SLC24A2: variants seen among roughly 807,000 people sequenced by gnomAD.
SLC24A2 encodes the protein sodium/potassium/calcium exchanger 2.
Under a neutral mutation model 62.0 loss-of-function variants are expected in SLC24A2, and 36 were observed. The ratio of observed to expected loss-of-function variants is 0.58; its 90% confidence interval spans 0.44 to 0.77. The LOEUF is 0.77. Among genes scored for constraint, SLC24A2 ranks in the 30% least tolerant of loss-of-function variants. The pLI, the probability that SLC24A2 is intolerant of heterozygous loss-of-function variation, is 0.00. For synonymous variants in SLC24A2, 358 were observed against 294.0 expected, an observed-to-expected ratio of 1.22 and a Z score of -2.23; for missense variants, 846 against 817.9, an observed-to-expected ratio of 1.03 and a Z score of -0.42.
At chr9:20,288,034 G>GA in the SLC24A2 span, among the ~76,000 whole-genome samples, 8 of 45,130 alleles carry the variant, frequency 1.8e-4, no homozygotes, top group African/African-American at 1.5e-3. Flanking sequence ...GGAGGAGTTA[G>GA]GAAAAAAACA....
the SLC24A2 span, among the ~76,000 whole-genome samples, chr9:19,874,496 G>C: frequency 6.6e-6 from 1 of 152,166 alleles, no homozygotes; most frequent in Non-Finnish European, 1.5e-5. Context: ...AAGATAAGGA[G>C]GTTGCTGTTG....
intron 2 of SLC24A2, among the ~76,000 whole-genome samples, chr9:19,626,663 C>T (rs1363042221): frequency 2.0e-5 from 3 of 151,998 alleles, no homozygotes; most frequent in Non-Finnish European, 1.5e-5. Flanking sequence ...AATATTAATC[C>T]AATATTCCAA....
the SLC24A2 span, among the ~76,000 whole-genome samples, chr9:20,233,553 G>C: frequency 6.6e-6 from 1 of 152,098 alleles, no homozygotes; most frequent in Non-Finnish European, 1.5e-5. Flanking sequence ...TGCAACCCCT[G>C]CCTTTTTTTG....
the SLC24A2 span, among the ~76,000 whole-genome samples, chr9:20,109,884 T>G: frequency 6.6e-6 from 1 of 152,158 alleles, no homozygotes; most frequent in Non-Finnish European, 1.5e-5. Flanking sequence ...GGGATGCCAC[T>G]TTTTCAACTT....
intron 2 of SLC24A2, among the ~76,000 whole-genome samples, chr9:19,772,485 C>T (rs1017487698): frequency 6.6e-6 from 1 of 152,090 alleles, no homozygotes; most frequent in Admixed American, 6.6e-5. Flanking sequence ...TGATAAGGGG[C>T]TTGTAACCAG....
At chr9:20,235,381 G>A in the SLC24A2 span, among the ~76,000 whole-genome samples, 3,854 of 152,320 alleles carry the variant, frequency 0.025, 84 homozygotes, top group African/African-American at 0.04. Context: ...CACCCAGTTC[G>A]AACTTCCCGC....
At chr9:20,220,792 T>A in the SLC24A2 span, among the ~76,000 whole-genome samples, 37 of 152,242 alleles carry the variant, frequency 2.4e-4, no homozygotes, top group South Asian at 6.9e-3. Context: ...CAGTTCTTCT[T>A]TGAGATATAT....
the SLC24A2 span, among the ~76,000 whole-genome samples, chr9:20,219,286 C>T: frequency 1.3e-5 from 2 of 152,126 alleles, no homozygotes; most frequent in African/African-American, 4.8e-5. Context: ...CAGTATAACA[C>T]AGGCTTCCAT....
the SLC24A2 span, among the ~76,000 whole-genome samples, chr9:19,906,275 C>A: frequency 6.6e-6 from 1 of 151,624 alleles, no homozygotes; most frequent in Non-Finnish European, 1.5e-5. Context: ...TTCTTTGAAA[C>A]CAACGAGAAC....
chr9:19,531,200 T>C (rs1024168637), intron 8 of SLC24A2, among the ~76,000 whole-genome samples: 2 of 152,220 alleles, frequency 1.3e-5, no homozygotes, highest in Non-Finnish European at 2.9e-5. Flanking sequence ...TGAACTACTT[T>C]ACCATTTCCA....
chr9:19,854,086 T>C, the SLC24A2 span, among the ~76,000 whole-genome samples: 11 of 152,332 alleles, frequency 7.2e-5, no homozygotes, highest in East Asian at 5.8e-4. Flanking sequence ...TTTATGTGCA[T>C]AGAGGTGTTT....
intron 2 of SLC24A2, among the ~76,000 whole-genome samples, chr9:19,697,050 G>A (rs1315781171): frequency 6.6e-6 from 1 of 151,972 alleles, no homozygotes; most frequent in Non-Finnish European, 1.5e-5. Context: ...GCTAAAAAGT[G>A]TAACTGATTA....
chr9:19,567,295 C>A (rs1240998538), intron 7 of SLC24A2, among the ~76,000 whole-genome samples: 78 of 151,456 alleles, frequency 5.2e-4, no homozygotes, highest in Admixed American at 5.0e-3. Flanking sequence ...ACCTGTAATC[C>A]CAGCACTTTG....
chr9:19,995,084 T>A, the SLC24A2 span, among the ~76,000 whole-genome samples: 2 of 151,208 alleles, frequency 1.3e-5, no homozygotes, highest in African/African-American at 4.9e-5. Flanking sequence ...CAGGCCTTTT[T>A]TTTTTTTCTC....
intron 2 of SLC24A2, among the ~76,000 whole-genome samples, chr9:19,652,923 CCTTCTCTTCCATCCTGTTTCAACCTT>C (rs1399553107): frequency 1.3e-4 from 2 of 15,404 alleles, no homozygotes; most frequent in East Asian, 2.4e-3. Flanking sequence ...ATGAGACAAA[CCTTCTCTTCCATCCTGTTTCAACCTT>C]CTCTTCCATC....
the SLC24A2 span, among the ~76,000 whole-genome samples, chr9:20,201,358 G>T: frequency 6.6e-6 from 1 of 152,182 alleles, no homozygotes; most frequent in Non-Finnish European, 1.5e-5. Flanking sequence ...CTCATCTCAC[G>T]GTGCCAGATT....
At chr9:20,095,999 A>C in the SLC24A2 span, among the ~76,000 whole-genome samples, 1 of 152,112 alleles carries the variant, frequency 6.6e-6, no homozygotes. Context: ...TCCCTTCCAC[A>C]ACATGTGGAA....
chr9:19,739,149 C>G (rs1821599052), intron 2 of SLC24A2, among the ~76,000 whole-genome samples: 1 of 152,096 alleles, frequency 6.6e-6, no homozygotes, highest in South Asian at 2.1e-4. Context: ...AGGAATAAAT[C>G]TAATCAAAAA....
chr9:19,916,416 G>C, the SLC24A2 span, among the ~76,000 whole-genome samples: 1 of 151,996 alleles, frequency 6.6e-6, no homozygotes, highest in Admixed American at 6.6e-5. Flanking sequence ...TTTTTTTAAA[G>C]TACTATGTGC....
Sources: gnomAD v4.1 joint callset for allele counts (sites outside exome capture counted in the v4.1 genomes callset) on GRCh38, gnomAD v4.1.1 for gene constraint, MANE v1.5 for transcripts, NCBI Gene and HGNC (gene_info 2026-07-23, HGNC 2026-07-21) for gene names.